EYS: variants seen among roughly 807,000 people sequenced by gnomAD.
EYS encodes EGF-like photoreceptor maintenance factor, also known as protein eyes shut homolog.
EYS carries 250 observed loss-of-function variants against 282.1 expected under a neutral mutation model. That is an observed-to-expected ratio of 0.89 (90% confidence interval 0.80 to 0.98). The LOEUF is 0.98. EYS is among the 50% of genes least tolerant of loss of function. EYS has a pLI of 0.00. For missense variants in EYS, 4,016 were observed against 3,709.0 expected, an observed-to-expected ratio of 1.08 and a Z score of -2.15; for synonymous variants, 1,355 against 1,282.9, an observed-to-expected ratio of 1.06 and a Z score of -1.20.
chr6:63,896,482 C>A (rs1229257485), intron 35 of EYS, among the ~76,000 whole-genome samples: 1 of 152,170 alleles, frequency 6.6e-6, no homozygotes, highest in Admixed American at 6.5e-5. Context: ...TGTCCCCACA[C>A]ATGTACAGCC....
chr6:65,135,018 G>C (rs1775983531), intron 12 of EYS, among the ~76,000 whole-genome samples: 1 of 152,014 alleles, frequency 6.6e-6, no homozygotes, highest in South Asian at 2.1e-4. Context: ...TTTCAGATTA[G>C]AGATGATTTA....
Position 63,864,197 on chromosome 6 carries a change from A to AG in EYS, c.7216dup (p.Leu2406ProfsTer4), listed in dbSNP as rs1772615469. The AG allele has an allele frequency of 6.5e-7, 1 of 1,534,624 alleles. No homozygotes were observed. The highest frequency in any genetic ancestry group is 8.8e-7 in the Non-Finnish European group (1 of 1,136,990). ...TCAAATGCTCTTACCATCAGTGCAGAGGGGTCCAGACCTCCCATATGGGCA... is the reference window on the plus strand; with the variant it reads ...TCAAATGCTCTTACCATCAGTGCAGAGGGGGTCCAGACCTCCCATATGGGCA... On this transcript the variant is annotated frameshift_variant, in exon 36 of 43. Transcript: ENST00000503581. LOFTEE classifies it high-confidence loss of function.
chr6:64,792,999 A>T (rs770505701), intron 22 of EYS, among the ~76,000 whole-genome samples: 30 of 152,084 alleles, frequency 2.0e-4, no homozygotes, highest in Non-Finnish European at 1.6e-4. Flanking sequence ...TGGAAACATA[A>T]TTTTTATGCA....
intron 22 of EYS, among the ~76,000 whole-genome samples, chr6:64,707,774 T>C (rs1325645628): frequency 6.6e-6 from 1 of 151,644 alleles, no homozygotes; most frequent in East Asian, 1.9e-4. Flanking sequence ...CAAATCCCAC[T>C]GGTTACACAA....
intron 22 of EYS, among the ~76,000 whole-genome samples, chr6:64,711,045 G>A (rs1771196628): frequency 6.6e-6 from 1 of 152,078 alleles, no homozygotes. Context: ...GGAGATTTTT[G>A]CAGAAAATAC....
chr6:64,287,571 T>C (rs1208074590), intron 30 of EYS, among the ~76,000 whole-genome samples: 1 of 152,096 alleles, frequency 6.6e-6, no homozygotes, highest in Non-Finnish European at 1.5e-5. Flanking sequence ...GTTCTACCCT[T>C]TGCAAATGTC....
In EYS at chr6:64,212,919, C is replaced by G. The variant is rs372974177; in HGVS notation, c.6424+17673G>C. On this transcript the variant is annotated intron_variant, in intron 31 of 42. Transcript: ENST00000503581. ...TTTGGTACCTAGACATCATGAAATA[C>G]TATGTAGCCATAAAAAAGAATGAGA... Among the ~76,000 whole-genome samples, 40 of 152,276 alleles carry G rather than the reference C, an allele frequency of 2.6e-4. No individual in the cohort carries two copies. The South Asian group carries it at 7.5e-3, about 28-fold the overall frequency.
In EYS at chr6:65,321,105, G is replaced by A. The variant is rs543210540; in HGVS notation, c.1766+13875C>T. On this transcript the variant is annotated intron_variant, in intron 11 of 42. Transcript: ENST00000503581. ...CCATGGCAGTGCTCTGTAAGACTAC[G>A]GAGATTTTGTGGGATTAAAACTAGT... 4.1e-4 allele frequency among the ~76,000 whole-genome samples: 63 copies of A among 151,848 alleles called. 1 individual carries two copies. The highest frequency in any genetic ancestry group is 1.4e-3 in the African/African-American group (59 of 41,428).
At chr6:65,626,910 C>A (rs1766716350) in intron 2 of EYS, among the ~76,000 whole-genome samples, 1 of 151,770 alleles carries the variant, frequency 6.6e-6, no homozygotes, top group Non-Finnish European at 1.5e-5. Flanking sequence ...AAAAAACACA[C>A]ACACACACAC....
chr6:65,341,134 T>C (rs548999992), intron 10 of EYS, among the ~76,000 whole-genome samples: 3 of 151,334 alleles, frequency 2.0e-5, no homozygotes, highest in African/African-American at 7.2e-5. Context: ...GTTCTATAAG[T>C]ACATCATTCA....
At chr6:64,374,529 G>C (rs1772502703) in intron 29 of EYS, among the ~76,000 whole-genome samples, 1 of 152,138 alleles carries the variant, frequency 6.6e-6, no homozygotes, top group African/African-American at 2.4e-5. Context: ...TCCCATGTTG[G>C]AGATGTTTTC....
chr6:65,478,562 C>T (rs544612187), intron 5 of EYS, among the ~76,000 whole-genome samples: 24 of 152,260 alleles, frequency 1.6e-4, no homozygotes, highest in Admixed American at 3.9e-4. Flanking sequence ...CTTGACAGTG[C>T]TCCATTTACT....
chr6:63,959,897 T>C (rs1215010952), intron 35 of EYS, among the ~76,000 whole-genome samples: 1 of 151,808 alleles, frequency 6.6e-6, no homozygotes, highest in African/African-American at 2.4e-5. Flanking sequence ...TTAGGACAAA[T>C]AGCTAATGCA....
chr6:64,571,313 C>G (rs573687087), intron 26 of EYS, among the ~76,000 whole-genome samples: 13 of 152,144 alleles, frequency 8.5e-5, no homozygotes, highest in African/African-American at 3.1e-4. Flanking sequence ...TAAATGGCCA[C>G]AGGAGAAAGC....
At chr6:65,619,104 A>C (rs371103373) in intron 2 of EYS, among the ~76,000 whole-genome samples, 4 of 151,682 alleles carry the variant, frequency 2.6e-5, no homozygotes, top group South Asian at 2.1e-4. Context: ...GCATTGGTAG[A>C]TTGATTGGGA....
chr6:64,598,974 A>T (rs1463389986), intron 24 of EYS, among the ~76,000 whole-genome samples: 1 of 152,200 alleles, frequency 6.6e-6, no homozygotes, highest in African/African-American at 2.4e-5. Flanking sequence ...AGCAGTGCAA[A>T]GGCCTGCGGG....
At chr6:64,173,619 TA>T (rs1764544892) in intron 31 of EYS, among the ~76,000 whole-genome samples, 1 of 152,202 alleles carries the variant, frequency 6.6e-6, no homozygotes, top group East Asian at 1.9e-4. Context: ...TTTTTAGTGG[TA>T]CTACCAACAA....
intron 29 of EYS, among the ~76,000 whole-genome samples, chr6:64,364,154 G>A (rs1782571332): frequency 6.6e-6 from 1 of 151,704 alleles, no homozygotes. Context: ...TTCTGGCCAA[G>A]AAAAATCTAG....
chr6:64,778,250 T>G (rs935376515), intron 22 of EYS, among the ~76,000 whole-genome samples: 6 of 152,270 alleles, frequency 3.9e-5, no homozygotes, highest in Middle Eastern at 3.4e-3. Context: ...AAGTTGAGAA[T>G]ATGAATACTC....
Sources: gnomAD v4.1 joint callset for allele counts (sites outside exome capture counted in the v4.1 genomes callset) on GRCh38, gnomAD v4.1.1 for gene constraint, MANE v1.5 for transcripts, NCBI Gene and HGNC (gene_info 2026-07-23, HGNC 2026-07-21) for gene names.